SINHCAF: variants seen among roughly 807,000 people sequenced by gnomAD.
SINHCAF encodes SIN3-HDAC complex associated factor, also known as SIN3-HDAC complex-associated factor.
In SINHCAF, 3 loss-of-function variants were observed where a neutral mutation model predicts 25.8. The observed-to-expected ratio is 0.12, with a 90% CI of 0.05 to 0.30. The LOEUF is 0.30. Ranked by LOEUF, SINHCAF falls within the 10% of genes least tolerant of loss-of-function variation. The pLI is 1.00. For synonymous variants in SINHCAF, 70 were observed against 85.5 expected, an observed-to-expected ratio of 0.82 and a Z score of 1.00; for missense variants, 121 against 262.3, an observed-to-expected ratio of 0.46 and a Z score of 3.72.
intron 1 of SINHCAF, among the ~76,000 whole-genome samples, chr12:31,321,853 T>A (rs1321619866): frequency 6.6e-6 from 1 of 152,220 alleles, no homozygotes; most frequent in Admixed American, 6.5e-5. Context: ...TGGTTTAGAT[T>A]TAAAAGTTTA....
rs1230225877 is a variant in SINHCAF at position 31,324,029 on chromosome 12, G to T, written c.-21+1995C>A. The T allele has an allele frequency of 2.2e-6, 1 of 455,460 alleles. No individual in the cohort carries two copies. The highest frequency in any genetic ancestry group is 1.5e-5 in the South Asian group (1 of 64,530). The allele number at this position is 455,460 out of a possible 1,614,324, so 28.2% of individuals were successfully genotyped here. A position where few individuals can be genotyped will look rare whatever the true frequency, so the allele number is the denominator to read the frequency against. ...CAGCAAGTAAGAATGCTCCCTGGTG[G>T]ATTTGTTGGTAAATAAGACATCTCG... On this transcript the variant is annotated intron_variant, in intron 1 of 5. Transcript: ENST00000337682. This position sits in a 1 kb window ranked among gnomAD's most constrained non-coding sequence, Gnocchi z 5.5.
chr12:31,304,811 TC>T (rs1938955694), intron 1 of SINHCAF: 1 of 152,158 alleles, frequency 6.6e-6, no homozygotes, highest in East Asian at 1.9e-4. Flanking sequence ...GAACTATTTT[TC>T]CATCCCCAGC....
chr12:31,313,784 G>A (rs1385647811), intron 1 of SINHCAF, among the ~76,000 whole-genome samples: 1 of 152,136 alleles, frequency 6.6e-6, no homozygotes. Context: ...AAGTAGCTGG[G>A]ATTACAGGTG....
chr12:31,290,877 G>A (rs571245791), intron 4 of SINHCAF, among the ~76,000 whole-genome samples: 1 of 152,120 alleles, frequency 6.6e-6, no homozygotes, highest in East Asian at 1.9e-4. Context: ...GCACCACCAC[G>A]CCCAGCTAAT....
chr12:31,293,885 G>A lies in SINHCAF; in HGVS notation c.275C>T (p.Pro92Leu). 6.2e-7 allele frequency: 1 copy of A among 1,612,820 alleles called. No individual in the cohort carries two copies. Among genetic ancestry groups the A allele is most frequent in the South Asian group, 1.1e-5 (1 of 90,988 alleles). ...CCCAGATAGAGTTTTCACTTTCTTT[G>A]GTTTCAATGTAGTCTTTAGACTGGG... ...AGPSLKTTLKPKKVKTLSGNR... is the reference protein window; with the variant it reads ...AGPSLKTTLKLKKVKTLSGNR... Residue 92 changes from proline to leucine, a missense_variant, in exon 4 of 6, where the codon CCA becomes CTA. Transcript: ENST00000337682.
Position 31,324,154 on chromosome 12 carries a change from C to G in SINHCAF, c.-21+1870G>C, listed in dbSNP as rs1306659844. The G allele has an allele frequency of 3.6e-5, 14 of 393,506 alleles. No homozygotes were observed. Among genetic ancestry groups the G allele is most frequent in the South Asian group, 8.8e-5 (5 of 57,044 alleles). 24.4% of individuals were successfully genotyped at this position (393,506 alleles called of 1,614,324 possible). A position where few individuals can be genotyped will look rare whatever the true frequency, so the allele number is the denominator to read the frequency against. On this transcript the variant is annotated intron_variant, in intron 1 of 5. Transcript: ENST00000337682. This position sits in a 1 kb window ranked among gnomAD's most constrained non-coding sequence, Gnocchi z 5.5. Reference sequence around the variant, plus strand: ...TCGCCGCCACCTCCCTCACCTGCGCCGGAACAACGGGCCCCGCGCCAGCCC... The same window carrying G: ...TCGCCGCCACCTCCCTCACCTGCGCGGGAACAACGGGCCCCGCGCCAGCCC...
intron 1 of SINHCAF, chr12:31,304,124 A>AAAAAAAAAAAAAGCG (rs1938928426): frequency 6.6e-6 from 1 of 151,648 alleles, no homozygotes; most frequent in Non-Finnish European, 1.5e-5. Context: ...TCCCTCAAAA[A>AAAAAAAAAAAAAGCG]AAAAAAAAAA....
intron 4 of SINHCAF, among the ~76,000 whole-genome samples, chr12:31,290,671 A>G (rs1208521797): frequency 6.6e-6 from 1 of 152,152 alleles, no homozygotes; most frequent in African/African-American, 2.4e-5. Flanking sequence ...GAAGTGCTTA[A>G]TATCTTTAAA....
chr12:31,283,102 G>A (rs1454216433), intron 5 of SINHCAF, among the ~76,000 whole-genome samples: 21 of 151,840 alleles, frequency 1.4e-4, no homozygotes, highest in Admixed American at 1.4e-3. Flanking sequence ...TGAGGAAGAC[G>A]GCATTTTGAA....
intron 1 of SINHCAF, among the ~76,000 whole-genome samples, chr12:31,316,362 A>G (rs1939495609): frequency 6.6e-6 from 1 of 152,162 alleles, no homozygotes; most frequent in Non-Finnish European, 1.5e-5. Context: ...AATTCTAAAC[A>G]TCTGTTTTGG....
At chr12:31,302,934 T>G (rs911668457) in intron 1 of SINHCAF, 3 of 985,258 alleles carry the variant, frequency 3.0e-6, no homozygotes, top group Non-Finnish European at 2.4e-6. Flanking sequence ...GGCCATGGTT[T>G]TATTACCCAT....
chr12:31,285,409 A>T (rs966960642), intron 5 of SINHCAF, among the ~76,000 whole-genome samples: 2 of 117,270 alleles, frequency 1.7e-5, no homozygotes, highest in Non-Finnish European at 3.3e-5. Flanking sequence ...ATATATTTAT[A>T]TATATACATA....
chr12:31,300,729 A>G (rs78748094), intron 1 of SINHCAF, among the ~76,000 whole-genome samples: 1,749 of 152,266 alleles, frequency 0.011, 17 homozygotes, highest in East Asian at 0.037. Context: ...TAATTTGTGT[A>G]TTCCTGTTTT....
intron 4 of SINHCAF, among the ~76,000 whole-genome samples, chr12:31,292,198 T>C (rs939418713): frequency 6.6e-6 from 1 of 152,104 alleles, no homozygotes; most frequent in Non-Finnish European, 1.5e-5. Context: ...TTCCCAAATG[T>C]TCATTAAAAC....
At chr12:31,295,107 A>G (rs1363559887) in intron 3 of SINHCAF, 127 bp downstream of exon 3, 1 of 624,126 alleles carries the variant, frequency 1.6e-6, no homozygotes, top group Non-Finnish European at 2.8e-6. Context: ...AACAGCAGCT[A>G]GTGTTTTTCT....
rs1309865794 is a variant in SINHCAF, at chr12:31,324,130, C to T, written c.-21+1894G>A. On this transcript the variant is annotated intron_variant, in intron 1 of 5. Transcript: ENST00000337682. The surrounding 1 kb of genome is among the most constrained non-coding windows in gnomAD (Gnocchi z 5.5). ...GCAGCGGGAGGTGAACCGCGTCGCT[C>T]GCCGCCACCTCCCTCACCTGCGCCG... The T allele has an allele frequency of 8.9e-6, 4 of 451,126 alleles. No individual in the cohort carries two copies. The highest frequency in any genetic ancestry group is 1.3e-5 in the Non-Finnish European group (3 of 225,108). 27.9% of individuals were successfully genotyped at this position (451,126 alleles called of 1,614,324 possible).
At chr12:31,307,384 G>A (rs540666133) in intron 1 of SINHCAF, among the ~76,000 whole-genome samples, 2 of 152,048 alleles carry the variant, frequency 1.3e-5, no homozygotes, top group African/African-American at 4.8e-5. Context: ...GGTAAGCCCT[G>A]TCTCTACAAA....
intron 2 of SINHCAF, 148 bp from the exon 3 acceptor site, chr12:31,295,481 T>C: frequency 3.3e-6 from 2 of 603,284 alleles, no homozygotes; most frequent in South Asian, 4.3e-5. Flanking sequence ...ATTGTTTCTA[T>C]AGAATATTTC....
chr12:31,319,538 T>C (rs560411688), intron 1 of SINHCAF, among the ~76,000 whole-genome samples: 2 of 152,264 alleles, frequency 1.3e-5, no homozygotes, highest in East Asian at 3.9e-4. Context: ...AAAATAATAA[T>C]GACAAATCCA....
Sources: gnomAD v4.1 joint callset for allele counts (sites outside exome capture counted in the v4.1 genomes callset) on GRCh38, gnomAD v4.1.1 for gene constraint, Gnocchi (gnomAD v3.1) non-coding constraint, MANE v1.5 for transcripts, NCBI Gene and HGNC (gene_info 2026-07-23, HGNC 2026-07-21) for gene names.